The following TMLHE variants were observed in gnomAD, a reference collection of about 807,000 sequenced individuals.
TMLHE encodes trimethyllysine hydroxylase, epsilon, also known as trimethyllysine dioxygenase, mitochondrial.
TMLHE carries 18 observed loss-of-function variants against 25.7 expected under a neutral mutation model. The observed-to-expected ratio is 0.70, with a 90% CI of 0.48 to 1.04. TMLHE has a LOEUF of 1.04. TMLHE is among the 50% of genes least tolerant of loss of function. The pLI is 0.00. For synonymous variants in TMLHE, 105 were observed against 97.0 expected, an observed-to-expected ratio of 1.08 and a Z score of -0.49; for missense variants, 236 against 259.0, an observed-to-expected ratio of 0.91 and a Z score of 0.61.
At chrX:155,508,679 G>C (rs782301278) in intron 5 of TMLHE, among the ~76,000 whole-genome samples, 1 of 110,975 alleles carries the variant, frequency 9.0e-6, no homozygotes, top group South Asian at 3.7e-4. Context: ...AAGAAATTTA[G>C]TAGTGGTTAA....
At chrX:155,578,714 C>T (rs5983737) in intron 1 of TMLHE, among the ~76,000 whole-genome samples, 146 of 111,096 alleles carry the variant, frequency 1.3e-3, no homozygotes, top group African/African-American at 4.7e-3. Context: ...ACCCGGAGGC[C>T]CAAGAATTGG....
At chrX:155,578,374 T>A (rs2067604233) in intron 1 of TMLHE, among the ~76,000 whole-genome samples, 1 of 111,398 alleles carries the variant, frequency 9.0e-6, no homozygotes, top group Admixed American at 9.5e-5. Flanking sequence ...CCCCCAGTAC[T>A]CAAGTATGCT....
Position 155,612,817 on chromosome X carries a change from C to G in TMLHE, c.-27G>C. The G allele has an allele frequency of 8.9e-6, 1 of 112,129 alleles. No homozygotes were observed. The highest frequency in any genetic ancestry group is 4.2e-3 in the Middle Eastern group (1 of 240). The allele number at this position is 112,129 out of a possible 1,213,427, so 9.2% of individuals were successfully genotyped here. ...CTGTGCTGGAGGTCGTGACTGCTAACTCCGCAGAGTGGGCAGAATTCCAAG... is the reference window on the plus strand; with the variant it reads ...CTGTGCTGGAGGTCGTGACTGCTAAGTCCGCAGAGTGGGCAGAATTCCAAG... On this transcript the variant is annotated 5_prime_UTR_variant, in exon 1 of 8. Transcript: ENST00000334398.
chrX:155,599,061 T>G (rs1374785522), intron 1 of TMLHE, among the ~76,000 whole-genome samples: 1 of 111,321 alleles, frequency 9.0e-6, no homozygotes, highest in African/African-American at 3.3e-5. Context: ...ATACAGTATA[T>G]AATATGTATA....
rs200895165 is a variant in TMLHE at position 155,597,811 on chromosome X, AC to A, written c.-2+14980del. On this transcript the variant is annotated intron_variant, in intron 1 of 7. Transcript: ENST00000334398. ...ATGTAATGCAAATATTCCAAAAAAA[AC>A]AATCTGAAATGCTTCTAGTCCCAAG... Among the ~76,000 whole-genome samples, 747 of 110,897 alleles carry A rather than the reference AC, an allele frequency of 6.7e-3. 4 individuals carry two copies. The highest frequency in any genetic ancestry group is 0.023 in the African/African-American group (707 of 30,449).
intron 6 of TMLHE, among the ~76,000 whole-genome samples, chrX:155,506,478 A>C (rs782004065): frequency 1.8e-5 from 2 of 111,362 alleles, no homozygotes; most frequent in Admixed American, 9.6e-5. Context: ...TTCACGTTTG[A>C]ATATGATATG....
chrX:155,532,903 G>A (rs1270636766), intron 2 of TMLHE, among the ~76,000 whole-genome samples: 1 of 110,683 alleles, frequency 9.0e-6, no homozygotes, highest in African/African-American at 3.3e-5. Flanking sequence ...GATAAAAAAT[G>A]GTTTTTACAC....
Position 155,584,037 on chromosome X carries a change from T to A in TMLHE, c.-2+28755A>T, listed in dbSNP as rs147361268. On this transcript the variant is annotated intron_variant, in intron 1 of 7. Coordinates refer to ENST00000334398, the MANE Select transcript of TMLHE (RefSeq NM_018196.4). Reference sequence around the variant, plus strand: ...AAAAAGATATTCACAAAATCCCAGATAACAAATTGAAAATACAAATTTTAA... The same window carrying A: ...AAAAAGATATTCACAAAATCCCAGAAAACAAATTGAAAATACAAATTTTAA... Among the ~76,000 whole-genome samples the A allele has an allele frequency of 6.0e-3, 659 of 110,585 alleles. 2 individuals carry two copies. The highest frequency in any genetic ancestry group is 0.02 in the African/African-American group (619 of 30,474).
intron 1 of TMLHE, among the ~76,000 whole-genome samples, chrX:155,548,640 CA>C (rs2067384347): frequency 9.2e-6 from 1 of 108,205 alleles, no homozygotes; most frequent in Admixed American, 9.8e-5. Context: ...GAGGCTGAGG[CA>C]GGAGAATCGC....
chrX:155,611,705 T>G (rs2067823338), intron 1 of TMLHE: 1 of 111,645 alleles, frequency 9.0e-6, no homozygotes, highest in Admixed American at 9.5e-5. Context: ...CGTCTTCTGG[T>G]TGTTGTGAAA....
At chrX:155,601,844 T>C (rs781873591) in intron 1 of TMLHE, among the ~76,000 whole-genome samples, 1 of 107,255 alleles carries the variant, frequency 9.3e-6, no homozygotes, top group East Asian at 2.9e-4. Context: ...AATGAAAAAA[T>C]TGTATTAAAA....
chrX:155,512,250 C>T (rs74970973), intron 4 of TMLHE, among the ~76,000 whole-genome samples: 137 of 108,760 alleles, frequency 1.3e-3, no homozygotes, highest in Non-Finnish European at 1.9e-3. Flanking sequence ...ATGTGCCATG[C>T]TGGTGCGCTG....
intron 3 of TMLHE, among the ~76,000 whole-genome samples, chrX:155,515,974 T>C (rs1557334847): frequency 9.4e-6 from 1 of 106,943 alleles, no homozygotes; most frequent in African/African-American, 3.4e-5. Flanking sequence ...TGTTCAGTCC[T>C]TTCTCACATT....
At chrX:155,559,091 C>G (rs1197133156) in intron 1 of TMLHE, among the ~76,000 whole-genome samples, 1 of 111,624 alleles carries the variant, frequency 9.0e-6, no homozygotes, top group African/African-American at 3.2e-5. Flanking sequence ...TATATAAATC[C>G]AATCTTAAAG....
At chrX:155,605,447 T>C (rs1285123631) in intron 1 of TMLHE, among the ~76,000 whole-genome samples, 2 of 111,673 alleles carry the variant, frequency 1.8e-5, no homozygotes, top group Non-Finnish European at 3.8e-5. Context: ...TTCAGCATTC[T>C]TAAAGAAAAG....
chrX:155,539,294 G>A (rs1488471250), intron 2 of TMLHE, among the ~76,000 whole-genome samples: 1 of 111,769 alleles, frequency 8.9e-6, no homozygotes, highest in Non-Finnish European at 1.9e-5. Flanking sequence ...GAGAACAAAG[G>A]TGATCAATGT....
At chrX:155,532,717 T>A (rs1273460933) in intron 2 of TMLHE, among the ~76,000 whole-genome samples, 1 of 97,109 alleles carries the variant, frequency 1.0e-5, no homozygotes, top group Non-Finnish European at 2.1e-5. Context: ...GTGTGTAGAA[T>A]TTCTATGGGG....
chrX:155,511,898 A>AT (rs1425358987), intron 4 of TMLHE, 106 bp from the exon 5 acceptor site: 1 of 879,571 alleles, frequency 1.1e-6, no homozygotes, highest in Non-Finnish European at 1.5e-6. Context: ...ATAACAGTAG[A>AT]TTTTTTTGGT....
intron 6 of TMLHE, among the ~76,000 whole-genome samples, chrX:155,506,160 A>C (rs1380865603): frequency 1.8e-5 from 2 of 111,178 alleles, no homozygotes; most frequent in Non-Finnish European, 3.8e-5. Flanking sequence ...GCAGAAGATA[A>C]GACTCAGCAT....
Sources: allele counts gnomAD v4.1 joint callset (sites outside exome capture counted in the v4.1 genomes callset), GRCh38; gene constraint gnomAD v4.1.1; transcripts MANE v1.5; gene names NCBI Gene and HGNC (gene_info 2026-07-23, HGNC 2026-07-21).